The following MANBA variants were observed in gnomAD, a reference collection of about 807,000 sequenced individuals.
MANBA encodes mannosidase beta.
A neutral mutation model predicts 111.1 loss-of-function variants in MANBA; 83 were observed. The ratio of observed to expected loss-of-function variants is 0.75; its 90% CI spans 0.63 to 0.90. The LOEUF (loss-of-function observed/expected upper bound fraction) is 0.90, where lower values mean the gene tolerates loss of function less well. MANBA is among the 40% of genes least tolerant of loss of function. The pLI is 0.00. For missense variants in MANBA, 1,036 were observed against 1,069.0 expected, an observed-to-expected ratio of 0.97 and a Z score of 0.43; for synonymous variants, 370 against 378.7, an observed-to-expected ratio of 0.98 and a Z score of 0.27.
At chr4:102,673,614 C>T (rs1034648636) in intron 8 of MANBA, among the ~76,000 whole-genome samples, 16 of 151,622 alleles carry the variant, frequency 1.1e-4, no homozygotes, top group African/African-American at 3.1e-4. Context: ...ATATTTTTTT[C>T]GGAGACTATT....
chr4:102,728,398 T>C, intron 1 of MANBA: 1 of 506,424 alleles, frequency 2.0e-6, no homozygotes, highest in South Asian at 1.5e-5. Flanking sequence ...TGTTTTCCTG[T>C]GGTTGGACAG....
intron 5 of MANBA, among the ~76,000 whole-genome samples, chr4:102,700,871 A>T (rs1378606947): frequency 1.3e-5 from 2 of 152,204 alleles, no homozygotes; most frequent in African/African-American, 4.8e-5. Flanking sequence ...GATGTCTATT[A>T]GGTCCGCTTG....
rs779139021 is a variant in MANBA at position 102,722,933 on chromosome 4, C to T, written c.487G>A (p.Val163Ile). ...QQSKAHTRYQ[V>I]PPDCPPLVQK... ...ACAAGTGGAGGGCAGTCTGGGGGAA[C>T]CTGGTAGCGAGTGTGAGCTTTGCTC... Residue 163 changes from valine to isoleucine, a missense_variant, in exon 4 of 17, where the codon GTT (valine) becomes ATT (isoleucine). Coordinates refer to ENST00000647097, the MANE Select transcript of MANBA (RefSeq NM_005908.4). 6.2e-7 allele frequency: 1 copy of T among 1,614,136 alleles called. No individual in the cohort carries two copies.
chr4:102,733,737 G>T (rs1212620211), intron 1 of MANBA, among the ~76,000 whole-genome samples: 1 of 152,102 alleles, frequency 6.6e-6, no homozygotes, highest in Non-Finnish European at 1.5e-5. Context: ...TTTTCCTACT[G>T]TTCTGTTTCT....
Position 102,639,852 on chromosome 4 carries a change from C to T in MANBA, c.1875G>A (p.Met625Ile). The change falls in exon 14 of 17, where the codon ATG becomes ATA. Residue 625 changes from methionine (M) to isoleucine (I), a missense_variant. By Grantham distance (10) the Met-to-Ile change is conservative. Transcript: ENST00000647097. ...FKDTIYLTQV[M>I]QAQCVKTETE... ...TTTCTGTTTTGACACACTGGGCCTGCATCACCTGATTCAGGAAAACATTCA... is the reference window on the plus strand; with the variant it reads ...TTTCTGTTTTGACACACTGGGCCTGTATCACCTGATTCAGGAAAACATTCA... The T allele has an allele frequency of 1.2e-6, 2 of 1,614,030 alleles. No individual in the cohort carries two copies. Among genetic ancestry groups the T allele is most frequent in the Non-Finnish European group, 1.7e-6 (2 of 1,179,930 alleles).
At position 102,639,702 on chromosome 4, in the gene MANBA, GA is replaced by G; in HGVS notation, c.2014+10del. On this transcript the variant is annotated intron_variant, in intron 14 of 16. Transcript: ENST00000647097. Reference sequence around the variant, plus strand: ...TTCTCTCACTCGCACAAAGAACGCTGAAATGCTTACCAAGAGAAGCCCAGGA... The same window carrying G: ...TTCTCTCACTCGCACAAAGAACGCTGAATGCTTACCAAGAGAAGCCCAGGA... 5.0e-6 allele frequency: 8 copies of G among 1,614,076 alleles called. No individual in the cohort carries two copies. Among genetic ancestry groups the G allele is most frequent in the Non-Finnish European group, 6.8e-6 (8 of 1,179,974 alleles).
chr4:102,636,124 G>C (rs1729623769), intron 14 of MANBA, 117 bp from the exon 15 acceptor site: 2 of 885,664 alleles, frequency 2.3e-6, no homozygotes, highest in Non-Finnish European at 3.7e-6. Flanking sequence ...ATGTGAGGGA[G>C]AGTCAACAGT....
rs1173871842 is a variant in MANBA at position 102,632,193 on chromosome 4, A to G, written c.2504T>C (p.Ile835Thr). ...APFVWLDVGSIPGRFSDNGFL... is the reference protein window; with the variant it reads ...APFVWLDVGSTPGRFSDNGFL... Reference sequence around the variant, plus strand: ...ACCATTGTCACTAAATCTCCCTGGGATGCTTCCTACATCCAACCAAACAAA... The same window carrying G: ...ACCATTGTCACTAAATCTCCCTGGGGTGCTTCCTACATCCAACCAAACAAA... The change falls in exon 17 of 17, where the codon ATC (isoleucine) becomes ACC (threonine). Residue 835 changes from isoleucine to threonine, a missense_variant. By Grantham distance (89) the Ile-to-Thr change is moderately conservative. Transcript: ENST00000647097. 1 of 1,613,528 alleles carries G rather than the reference A, an allele frequency of 6.2e-7. No individual in the cohort carries two copies.
At position 102,733,766 on chromosome 4, in the gene MANBA, A is replaced by G. The variant is rs185976989; in HGVS notation, c.178-7083T>C. On this transcript the variant is annotated intron_variant, in intron 1 of 16. Transcript: ENST00000647097. ...TGTTTCTTTGTTCCTTACAAAACCC[A>G]CTATTCTTCCATGGCCCCATGAAAG... Among the ~76,000 whole-genome samples, 375 of 152,316 alleles carry G rather than the reference A, an allele frequency of 2.5e-3. 1 individual carries two copies. Among genetic ancestry groups the G allele is most frequent in the Non-Finnish European group, 2.9e-3 (196 of 68,016 alleles).
chr4:102,758,550 T>C (rs1165513234), intron 1 of MANBA, among the ~76,000 whole-genome samples: 1 of 150,580 alleles, frequency 6.6e-6, no homozygotes, highest in Non-Finnish European at 1.5e-5. Context: ...TTACTTTTTT[T>C]CTTTTTTTTT....
chr4:102,721,980 T>C (rs1345183048), intron 4 of MANBA, among the ~76,000 whole-genome samples: 1 of 143,650 alleles, frequency 7.0e-6, no homozygotes, highest in Admixed American at 7.5e-5. Flanking sequence ...CGGTGAGTTG[T>C]GATCGCACCA....
At position 102,634,874 on chromosome 4, in the gene MANBA, C is replaced by G. The variant is rs778066585; in HGVS notation, c.2329G>C (p.Ala777Pro). ...ESCVVSFYLS[A>P]DHELLSPTNY... ...GTCGGGCTCAGGAGTTCATGGTCAG[C>G]TGAAAGGTAAAAGGAAACCACACAG... Residue 777 changes from alanine to proline, a missense_variant, in exon 16 of 17, where the codon GCT becomes CCT. By Grantham distance (27) the Ala-to-Pro change is conservative (BLOSUM62 -1). Coordinates refer to ENST00000647097, the MANE Select transcript of MANBA (RefSeq NM_005908.4). 1 of 1,614,204 alleles carries G rather than the reference C, an allele frequency of 6.2e-7. No homozygotes were observed. Among genetic ancestry groups the G allele is most frequent in the South Asian group, 1.1e-5 (1 of 91,084 alleles).
chr4:102,703,637 G>T (rs1244331607), intron 5 of MANBA, among the ~76,000 whole-genome samples: 4 of 152,154 alleles, frequency 2.6e-5, no homozygotes, highest in Non-Finnish European at 5.9e-5. Context: ...GGATGGATCA[G>T]CTGACACCAC....
chr4:102,689,977 C>G (rs953999223), intron 6 of MANBA, among the ~76,000 whole-genome samples: 4 of 152,120 alleles, frequency 2.6e-5, no homozygotes, highest in African/African-American at 9.7e-5. Context: ...TACATTTATT[C>G]CACATTCTTA....
At chr4:102,669,202 T>C (rs1461133614) in intron 9 of MANBA, among the ~76,000 whole-genome samples, 153 bp from the exon 10 acceptor site, 1 of 152,208 alleles carries the variant, frequency 6.6e-6, no homozygotes, top group African/African-American at 2.4e-5. Flanking sequence ...TTATGCATAA[T>C]TTGATACCAA....
At chr4:102,675,094 T>C (rs897502438) in intron 7 of MANBA, among the ~76,000 whole-genome samples, 1 of 152,240 alleles carries the variant, frequency 6.6e-6, no homozygotes, top group African/African-American at 2.4e-5. Context: ...ATGTCAAGAA[T>C]GCACAGTGAT....
chr4:102,731,226 CA>C (rs775187342), intron 1 of MANBA, among the ~76,000 whole-genome samples: 68 of 151,320 alleles, frequency 4.5e-4, no homozygotes, highest in East Asian at 1.4e-3. Context: ...TAAAACCAAA[CA>C]CAAAACCACC....
intron 4 of MANBA, among the ~76,000 whole-genome samples, chr4:102,719,720 A>G (rs2110279533): frequency 6.6e-6 from 1 of 152,348 alleles, no homozygotes; most frequent in South Asian, 2.1e-4. Flanking sequence ...TCTTCATATC[A>G]GGGATTAGCT....
intron 13 of MANBA, among the ~76,000 whole-genome samples, chr4:102,647,590 C>T (rs1186373722): frequency 6.6e-6 from 1 of 151,766 alleles, no homozygotes; most frequent in Non-Finnish European, 1.5e-5. Flanking sequence ...AATAATCAGC[C>T]TATTTTATAT....
Sources: gnomAD v4.1 joint callset for allele counts (sites outside exome capture counted in the v4.1 genomes callset) on GRCh38, gnomAD v4.1.1 for gene constraint, MANE v1.5 for transcripts, NCBI Gene and HGNC (gene_info 2026-07-23, HGNC 2026-07-21) for gene names.